NUMA1: variants seen among roughly 807,000 people sequenced by gnomAD.
NUMA1 encodes SP-H antigen.
In NUMA1, 62 loss-of-function variants were observed where a neutral mutation model predicts 237.1. The ratio of observed to expected loss-of-function variants is 0.26; its 90% CI spans 0.21 to 0.32. The LOEUF is 0.32. Ranked by LOEUF, NUMA1 falls within the 10% of genes least tolerant of loss-of-function variation. NUMA1 has a pLI of 1.00. For missense variants in NUMA1, 2,533 were observed against 2,666.5 expected, an observed-to-expected ratio of 0.95 and a Z score of 1.10; for synonymous variants, 1,028 against 1,066.1, an observed-to-expected ratio of 0.96 and a Z score of 0.70.
chr11:72,067,058 C>T (rs375335322), intron 2 of NUMA1: 2 of 152,188 alleles, frequency 1.3e-5, no homozygotes, highest in African/African-American at 4.8e-5. Context: ...CTAATTAAAA[C>T]TAAAGGGCAA....
intron 2 of NUMA1, among the ~76,000 whole-genome samples, chr11:72,054,850 A>G (rs1942550966): frequency 6.6e-6 from 1 of 152,168 alleles, no homozygotes; most frequent in Non-Finnish European, 1.5e-5. Flanking sequence ...AATTCAGAAG[A>G]GTGTCTATGA....
Position 72,004,668 on chromosome 11 carries a change from T to C in NUMA1, c.5978A>G (p.Glu1993Gly). The C allele has an allele frequency of 6.2e-7, 1 of 1,613,024 alleles. No homozygotes were observed. Residue 1993 changes from glutamate (E) to glycine (G), a missense_variant, in exon 24 of 27, where the codon GAG becomes GGG. Around this residue, in one of 3 missense-constraint regions of NUMA1, gnomAD observed 795 missense variants for 750.8 expected, o/e 1.06. Transcript: ENST00000393695. ...AGGAGTTCCAGGGCCCTGGTGGGGC[T>C]CTAGGGAGACCCGTTTGCGCTGCTG... ...TRQQRKRVSLEPHQGPGTPES... is the reference protein window; with the variant it reads ...TRQQRKRVSLGPHQGPGTPES...
rs759463716 is a variant in NUMA1, at chr11:72,007,424, C to T, written c.5228G>A (p.Arg1743His). 17 of 1,613,342 alleles carry T rather than the reference C, an allele frequency of 1.1e-5. 1 individual carries two copies. In the Admixed American group the frequency reaches 1.5e-4, roughly 14 times the overall value. Residue 1743 changes from arginine to histidine, a missense_variant, in exon 21 of 27, where the codon CGT becomes CAT. Coordinates refer to ENST00000393695, the MANE Select transcript of NUMA1 (RefSeq NM_006185.4). Reference protein sequence around the residue: ...TPLSITSKLPRTQPDGTSVPG... With the variant: ...TPLSITSKLPHTQPDGTSVPG... ...GACGCTGGTGCCGTCTGGCTGGGTA[C>T]GAGGCAGCTTGCTATGGAAAGGAAA...
intron 2 of NUMA1, among the ~76,000 whole-genome samples, chr11:72,056,102 T>G (rs181944117): frequency 1.4e-3 from 206 of 151,146 alleles, no homozygotes; most frequent in Admixed American, 3.5e-3. Context: ...TGAGCTGAGA[T>G]CATACCAGTT....
chr11:72,056,873 A>C (rs1187908345), intron 2 of NUMA1, among the ~76,000 whole-genome samples: 1 of 152,068 alleles, frequency 6.6e-6, no homozygotes, highest in Admixed American at 6.6e-5. Flanking sequence ...TGGAAGTAAC[A>C]GAAGCCCAGG....
Position 72,004,352 on chromosome 11 carries a change from G to C in NUMA1, c.6007-11C>G. The C allele has an allele frequency of 6.2e-7, 1 of 1,608,472 alleles. No homozygotes were observed. Among genetic ancestry groups the C allele is most frequent in the Non-Finnish European group, 8.5e-7 (1 of 1,176,564 alleles). ...GGTGGCCTTCTTAGACTATGGAGAA[G>C]AGGACAGTTAGGCAGACAGTAGCAA... is the stretch of plus-strand genomic sequence containing the variant. On this transcript the variant is annotated splice_polypyrimidine_tract_variant and intron_variant, in intron 24 of 26. Transcript: ENST00000393695.
intron 2 of NUMA1, among the ~76,000 whole-genome samples, chr11:72,043,388 G>T (rs1260811875): frequency 1.4e-4 from 21 of 146,172 alleles, no homozygotes; most frequent in Non-Finnish European, 2.8e-4. Context: ...TTTAAAGCAG[G>T]GTCTCACTCT....
chr11:72,015,712 C>G lies in NUMA1; in HGVS notation c.1791G>C (p.Arg597Ser). ...GCTGCTTGAGAGCCGCATCCCGCTC[C>G]CTTAAGGAGGCCTCTCGCTCCTCTG... ...TAAEEREASL[R>S]ERDAALKQLE... Residue 597 changes from arginine to serine, a missense_variant, in exon 15 of 27, where the codon AGG (arginine) becomes AGC (serine). Arg to Ser is a moderately radical substitution (Grantham distance 110, BLOSUM62 -1). Transcript: ENST00000393695. This position sits in a 1 kb window ranked among gnomAD's most constrained non-coding sequence, Gnocchi z 4.0. The G allele has an allele frequency of 6.2e-7, 1 of 1,614,172 alleles. No homozygotes were observed. Among genetic ancestry groups the G allele is most frequent in the Non-Finnish European group, 8.5e-7 (1 of 1,180,048 alleles).
At chr11:72,030,343 A>G (rs1323234141) in intron 3 of NUMA1, among the ~76,000 whole-genome samples, 4 of 150,764 alleles carry the variant, frequency 2.7e-5, no homozygotes, top group Non-Finnish European at 5.9e-5. Flanking sequence ...CTCCAAAGGA[A>G]AAAAAAAAAG....
At chr11:72,075,281 G>A (rs1943658309) in intron 1 of NUMA1, among the ~76,000 whole-genome samples, 2 of 152,110 alleles carry the variant, frequency 1.3e-5, no homozygotes, top group Non-Finnish European at 1.5e-5. Flanking sequence ...TTTGCCAGCT[G>A]GATCCCTGTC....
At chr11:72,049,626 C>A in intron 2 of NUMA1, 2 of 104,156 alleles carry the variant, frequency 1.9e-5, no homozygotes, top group African/African-American at 3.4e-5. Flanking sequence ...GCCTATTCAT[C>A]TATCTATAGA....
chr11:72,053,840 G>A (rs547176269), intron 2 of NUMA1, among the ~76,000 whole-genome samples: 2 of 152,184 alleles, frequency 1.3e-5, no homozygotes, highest in African/African-American at 4.8e-5. Flanking sequence ...TACTGAAGAT[G>A]TATAAACTTT....
At chr11:72,079,749 TA>T (rs72522058) in intron 1 of NUMA1, among the ~76,000 whole-genome samples, 13,968 of 144,624 alleles carry the variant, frequency 0.097, 2,190 homozygotes, top group African/African-American at 0.33. Context: ...AAACAAAAAT[TA>T]AAAAAAAAAA....
chr11:72,061,351 G>A (rs1942926676), intron 2 of NUMA1, among the ~76,000 whole-genome samples: 1 of 152,172 alleles, frequency 6.6e-6, no homozygotes, highest in African/African-American at 2.4e-5. Flanking sequence ...TTTATATGCA[G>A]TATAGGTCTG....
In NUMA1 at chr11:72,017,845, GA is replaced by G; in HGVS notation, c.979-19del. 6.6e-7 allele frequency: 1 copy of G among 1,516,382 alleles called. No individual in the cohort carries two copies. Among genetic ancestry groups the G allele is most frequent in the African/African-American group, 1.9e-5 (1 of 53,880 alleles). The allele number at this position is 1,516,382 out of a possible 1,614,324, so 93.9% of individuals were successfully genotyped here. On this transcript the variant is annotated intron_variant, in intron 12 of 26. Coordinates refer to ENST00000393695, the MANE Select transcript of NUMA1 (RefSeq NM_006185.4). The stretch of plus-strand genomic sequence containing the variant: ...TCCCGCAGCTGAGACGGGCAAGTGA[GA>G]ATCCCCATCACCCAGAGTCAACGCT...
At chr11:72,074,399 C>T (rs1305309893) in intron 1 of NUMA1, among the ~76,000 whole-genome samples, 1 of 151,974 alleles carries the variant, frequency 6.6e-6, no homozygotes, top group Non-Finnish European at 1.5e-5. Flanking sequence ...TAGAACAGTG[C>T]CTAGTTCACA....
intron 16 of NUMA1, chr11:72,012,117 A>G (rs1220601565): frequency 9.3e-6 from 4 of 428,698 alleles, no homozygotes; most frequent in Non-Finnish European, 4.1e-6. Flanking sequence ...TCATTGGTTC[A>G]GGGTGGGAAA....
In NUMA1 at chr11:72,015,827, C is replaced by T; in HGVS notation, c.1676G>A (p.Ser559Asn). 1 of 1,614,214 alleles carries T rather than the reference C, an allele frequency of 6.2e-7. No individual in the cohort carries two copies. The highest frequency in any genetic ancestry group is 8.5e-7 in the Non-Finnish European group (1 of 1,180,034). The part of the protein sequence containing the change: ...LRHQVEQLSS[S>N]LKQKEQQLKE... ...CAACTGCTGCTCCTTCTGCTTCAGGCTACTGCTTAGCTGCTCCACCTGGTG... is the reference window on the plus strand; with the variant it reads ...CAACTGCTGCTCCTTCTGCTTCAGGTTACTGCTTAGCTGCTCCACCTGGTG... The change falls in exon 15 of 27, where the codon AGC (serine) becomes AAC (asparagine). Residue 559 changes from serine (S) to asparagine (N), a missense_variant. Ser to Asn is a conservative substitution (Grantham distance 46). Coordinates refer to ENST00000393695, the MANE Select transcript of NUMA1 (RefSeq NM_006185.4). This position sits in a 1 kb window ranked among gnomAD's most constrained non-coding sequence, Gnocchi z 4.0.
chr11:72,003,888 T>C lies in NUMA1; in HGVS notation c.6335A>G (p.Lys2112Arg). ...CCCCCATCCTGCCAGTGCCTCTACC[T>C]TGCCCTTGGCTCGAGGGGTGGCACC... Reference protein sequence around the residue: ...AIGATPRAKGKAKH With the variant: ...AIGATPRAKGRAKH The change falls in exon 26 of 27, where the codon AAG becomes AGG. Residue 2112 changes from lysine (K) to arginine (R), a missense_variant and splice_region_variant. Lys to Arg is a conservative substitution (Grantham distance 26). Around this residue, in one of 3 missense-constraint regions of NUMA1, gnomAD observed 795 missense variants for 750.8 expected, o/e 1.06. Transcript: ENST00000393695. The C allele has an allele frequency of 6.2e-7, 1 of 1,613,562 alleles. No individual in the cohort carries two copies. The highest frequency in any genetic ancestry group is 8.5e-7 in the Non-Finnish European group (1 of 1,179,852).
Sources: allele counts gnomAD v4.1 joint callset (sites outside exome capture counted in the v4.1 genomes callset), GRCh38; gene constraint gnomAD v4.1.1; regional missense constraint gnomAD v4.1.1; non-coding constraint Gnocchi (gnomAD v3.1); transcripts MANE v1.5; gene names NCBI Gene and HGNC (gene_info 2026-07-23, HGNC 2026-07-21).